Variants in SMIM14 observed in about 807,000 individuals in gnomAD.
SMIM14 encodes the protein small integral membrane protein 14.
SMIM14 carries 5 observed loss-of-function variants against 12.6 expected under a neutral mutation model. That is an observed-to-expected ratio of 0.40 (90% confidence interval 0.21 to 0.83). SMIM14 has a LOEUF of 0.83. SMIM14 is among the 40% of genes least tolerant of loss of function. The pLI, the probability that SMIM14 is intolerant of heterozygous loss-of-function variation, is 0.37. For synonymous variants in SMIM14, 30 were observed against 40.1 expected, an observed-to-expected ratio of 0.75 and a Z score of 0.95; for missense variants, 86 against 119.1, an observed-to-expected ratio of 0.72 and a Z score of 1.29.
At chr4:39,607,252 A>G (rs1405051078) in intron 1 of SMIM14, among the ~76,000 whole-genome samples, 1 of 152,246 alleles carries the variant, frequency 6.6e-6, no homozygotes, top group Non-Finnish European at 1.5e-5. Context: ...TTGTATATTT[A>G]AATGTGCATA....
At chr4:39,635,887 T>C (rs1393784601) in intron 1 of SMIM14, among the ~76,000 whole-genome samples, 1 of 152,080 alleles carries the variant, frequency 6.6e-6, no homozygotes, top group East Asian at 1.9e-4. Flanking sequence ...TTAAGTGTGA[T>C]GTGGGCCAGG....
At chr4:39,590,203 T>G (rs1713993171) in intron 2 of SMIM14, among the ~76,000 whole-genome samples, 1 of 150,974 alleles carries the variant, frequency 6.6e-6, no homozygotes, top group South Asian at 2.1e-4. Flanking sequence ...CACCTGAGGT[T>G]GGGAGTTCGA....
intron 2 of SMIM14, among the ~76,000 whole-genome samples, chr4:39,575,200 G>A (rs1328099718): frequency 6.7e-6 from 1 of 149,642 alleles, no homozygotes; most frequent in Non-Finnish European, 1.5e-5. Flanking sequence ...TGGGACTACA[G>A]ACGCCACATT....
At position 39,597,168 on chromosome 4, in the gene SMIM14, C is replaced by A. The variant is rs1714406300; in HGVS notation, c.75+7903G>T. Among the ~76,000 whole-genome samples the A allele has an allele frequency of 2.8e-5, 4 of 143,224 alleles. No individual in the cohort carries two copies. In the South Asian group the frequency reaches 9.0e-4, roughly 32 times the overall value. 94.0% of individuals were successfully genotyped at this position (143,224 alleles called of 152,430 possible). A position where few individuals can be genotyped will look rare whatever the true frequency, so the allele number is the denominator to read the frequency against. On this transcript the variant is annotated intron_variant, in intron 2 of 4. Transcript: ENST00000295958. ...CATCCATATGACTCCCTAGAGTATT[C>A]TGGACATCTGAGAAGCAGATTTTTG...
rs1014507181 is a variant in SMIM14, at chr4:39,558,446, A to G, written c.125-1876T>C. On this transcript the variant is annotated intron_variant, in intron 3 of 4. Coordinates refer to ENST00000295958, the MANE Select transcript of SMIM14 (RefSeq NM_174921.3). The surrounding 1 kb of genome is among the most constrained non-coding windows in gnomAD (Gnocchi z 4.3). ...AAGCCTGGACAGATAAGCAGCCAGT[A>G]AAGCAAACAAGCCTTTTTGTTCTTT... 6.6e-6 allele frequency among the ~76,000 whole-genome samples: 1 copy of G among 152,242 alleles called. No homozygotes were observed. The highest frequency in any genetic ancestry group is 1.5e-5 in the Non-Finnish European group (1 of 68,042).
At chr4:39,602,351 T>G (rs60626926) in intron 2 of SMIM14, among the ~76,000 whole-genome samples, 1 of 151,932 alleles carries the variant, frequency 6.6e-6, no homozygotes, top group Non-Finnish European at 1.5e-5. Context: ...TCCCAGCACT[T>G]TGGGAGGCCG....
At chr4:39,600,147 T>C (rs1431239977) in intron 2 of SMIM14, among the ~76,000 whole-genome samples, 1 of 152,064 alleles carries the variant, frequency 6.6e-6, no homozygotes, top group Non-Finnish European at 1.5e-5. Context: ...CCAGCTGGCA[T>C]TGGGGCATGA....
At chr4:39,566,828 G>A (rs747445659) in intron 3 of SMIM14, among the ~76,000 whole-genome samples, 10 of 152,096 alleles carry the variant, frequency 6.6e-5, no homozygotes, top group Non-Finnish European at 1.0e-4. Flanking sequence ...TTAGCCAGGC[G>A]TGGTGGCGTG....
chr4:39,612,126 A>C (rs1404710665), intron 1 of SMIM14: 2 of 152,044 alleles, frequency 1.3e-5, no homozygotes, highest in African/African-American at 4.8e-5. Flanking sequence ...AAAAAAAAAA[A>C]GGGTGATTAG....
At chr4:39,567,999 C>T (rs375113555) in intron 3 of SMIM14, among the ~76,000 whole-genome samples, 3 of 152,182 alleles carry the variant, frequency 2.0e-5, no homozygotes, top group Non-Finnish European at 2.9e-5. Flanking sequence ...ACATACAGGC[C>T]GGGCGCGGTA....
chr4:39,561,639 G>A (rs1046964425), intron 3 of SMIM14, among the ~76,000 whole-genome samples: 16 of 151,580 alleles, frequency 1.1e-4, no homozygotes, highest in South Asian at 2.1e-4. Context: ...AGAATCTCAC[G>A]CCGGGCACGG....
intron 1 of SMIM14, among the ~76,000 whole-genome samples, chr4:39,628,097 AG>A (rs1473172204): frequency 6.6e-6 from 1 of 152,132 alleles, no homozygotes; most frequent in Non-Finnish European, 1.5e-5. Context: ...CTACGAGGTC[AG>A]GAATTCAAGA....
At chr4:39,632,206 G>C (rs368556669) in intron 1 of SMIM14, among the ~76,000 whole-genome samples, 2 of 151,958 alleles carry the variant, frequency 1.3e-5, no homozygotes, top group African/African-American at 4.8e-5. Context: ...AAATCTTCAC[G>C]TCAGCTGGGC....
At chr4:39,565,323 T>C (rs185278190) in intron 3 of SMIM14, among the ~76,000 whole-genome samples, 148 of 152,288 alleles carry the variant, frequency 9.7e-4, no homozygotes, top group Middle Eastern at 3.4e-3. Flanking sequence ...AGAAAACCAC[T>C]GAAGAGGGCT....
intron 2 of SMIM14, among the ~76,000 whole-genome samples, chr4:39,579,774 G>A (rs946515523): frequency 6.7e-6 from 1 of 148,226 alleles, no homozygotes; most frequent in Non-Finnish European, 1.5e-5. Context: ...AACCCCGGAG[G>A]CAGAGGTTGC....
intron 1 of SMIM14, among the ~76,000 whole-genome samples, chr4:39,617,545 G>T (rs1201856179): frequency 6.6e-6 from 1 of 152,084 alleles, no homozygotes; most frequent in Non-Finnish European, 1.5e-5. Context: ...CACTGAATTT[G>T]TTGGTTAAAT....
chr4:39,605,812 C>A (rs1483744871), intron 1 of SMIM14, among the ~76,000 whole-genome samples: 1 of 152,186 alleles, frequency 6.6e-6, no homozygotes, highest in Non-Finnish European at 1.5e-5. Context: ...ACGATCTCAG[C>A]TCACTGCAAC....
At chr4:39,560,342 G>C (rs1013917025) in intron 3 of SMIM14, among the ~76,000 whole-genome samples, 1 of 148,998 alleles carries the variant, frequency 6.7e-6, no homozygotes, top group African/African-American at 2.5e-5. Flanking sequence ...CTGCCTCCTG[G>C]GTTTTATTTG....
At position 39,638,790 on chromosome 4, in the gene SMIM14, C is replaced by T. The variant is rs1237922751; in HGVS notation, c.-87G>A. The T allele has an allele frequency of 1.1e-5, 11 of 985,472 alleles. No homozygotes were observed. The highest frequency in any genetic ancestry group is 1.3e-5 in the Non-Finnish European group (11 of 830,068). 61.0% of individuals were successfully genotyped at this position (985,472 alleles called of 1,614,324 possible). A position where few individuals can be genotyped will look rare whatever the true frequency, so the allele number is the denominator to read the frequency against. ...GGGAGGATGGGGGCCGGGACCGAGG[C>T]TCGGCAGAAAGACCGCCTGGAGCTT... is the stretch of plus-strand genomic sequence containing the variant. On this transcript the variant is annotated 5_prime_UTR_variant, in exon 1 of 5. Coordinates refer to ENST00000295958, the MANE Select transcript of SMIM14 (RefSeq NM_174921.3).
Sources: gnomAD v4.1 joint callset for allele counts (sites outside exome capture counted in the v4.1 genomes callset) on GRCh38, gnomAD v4.1.1 for gene constraint, Gnocchi (gnomAD v3.1) non-coding constraint, MANE v1.5 for transcripts, NCBI Gene and HGNC (gene_info 2026-07-23, HGNC 2026-07-21) for gene names.